Variants in TBC1D32 observed in about 807,000 individuals in gnomAD.
The protein encoded by TBC1D32 is protein broad-minded.
In TBC1D32, 151 loss-of-function variants were observed where a neutral mutation model predicts 170.3. That is an observed-to-expected ratio of 0.89 (90% CI 0.78 to 1.01). The LOEUF (loss-of-function observed/expected upper bound fraction) is 1.01. Ranked by LOEUF, TBC1D32 falls within the 50% of genes least tolerant of loss-of-function variation. The pLI, the probability that TBC1D32 is intolerant of heterozygous loss-of-function variation, is 0.00. For missense variants in TBC1D32, 1,464 were observed against 1,457.1 expected (o/e 1.00, Z -0.08); for synonymous variants, 498 against 488.0 (o/e 1.02, Z -0.27).
intron 22 of TBC1D32, among the ~76,000 whole-genome samples, chr6:121,188,041 A>G (rs1267028334): frequency 6.6e-6 from 1 of 152,100 alleles, no homozygotes; most frequent in Non-Finnish European, 1.5e-5. Context: ...TCAAATACCA[A>G]CTATACCAAC....
chr6:121,216,266 T>C (rs1430872599), intron 21 of TBC1D32, among the ~76,000 whole-genome samples: 2 of 152,236 alleles, frequency 1.3e-5, no homozygotes, highest in African/African-American at 4.8e-5. Context: ...TTCCCTCAGA[T>C]ATCAGACTCC....
intron 15 of TBC1D32, among the ~76,000 whole-genome samples, chr6:121,274,876 A>G (rs1428897357): frequency 6.6e-6 from 1 of 152,198 alleles, no homozygotes; most frequent in Non-Finnish European, 1.5e-5. Context: ...GTATTTTAAC[A>G]TGCTGAGAGA....
intron 3 of TBC1D32, among the ~76,000 whole-genome samples, chr6:121,312,292 ATGGCACATATATAC>A (rs1278160509): frequency 2.6e-5 from 4 of 152,198 alleles, no homozygotes; most frequent in African/African-American, 9.7e-5. Context: ...ACAAATCACA[ATGGCACATATATAC>A]CTATGTAACT....
intron 21 of TBC1D32, among the ~76,000 whole-genome samples, chr6:121,206,256 C>T (rs544219402): frequency 6.6e-6 from 1 of 151,858 alleles, no homozygotes; most frequent in East Asian, 1.9e-4. Context: ...TCTACAATGC[C>T]CTGCTTTTAC....
At chr6:121,270,508 T>C (rs1462655480) in intron 15 of TBC1D32, among the ~76,000 whole-genome samples, 1 of 152,124 alleles carries the variant, frequency 6.6e-6, no homozygotes, top group Admixed American at 6.5e-5. Flanking sequence ...CTAGAAAATC[T>C]AGAAGAAATG....
chr6:121,323,677 C>T lies in TBC1D32; in HGVS notation c.156-1883G>A, dbSNP rs560791355. Among the ~76,000 whole-genome samples, 5 of 152,324 alleles carry T rather than the reference C, an allele frequency of 3.3e-5. No individual in the cohort carries two copies. In the South Asian group the frequency reaches 1.0e-3, roughly 32 times the overall value. On this transcript the variant is annotated intron_variant, in intron 1 of 31. Transcript: ENST00000398212. Reference sequence around the variant, plus strand: ...GATAAACTGGCCGGGTGCAGTGACTCACGCCTGTGATCCCAGCACTTTGGG... The same window carrying T: ...GATAAACTGGCCGGGTGCAGTGACTTACGCCTGTGATCCCAGCACTTTGGG...
chr6:121,220,503 G>A (rs995942688), intron 21 of TBC1D32, among the ~76,000 whole-genome samples: 5 of 152,128 alleles, frequency 3.3e-5, no homozygotes, highest in Non-Finnish European at 4.4e-5. Context: ...TGGTTCATGG[G>A]ATTCAAGGAA....
chr6:121,106,023 CT>C lies in TBC1D32; in HGVS notation c.3464del (p.Gln1155ArgfsTer7), dbSNP rs1297540563. 50 of 1,603,178 alleles carry C rather than the reference CT, an allele frequency of 3.1e-5. No homozygotes were observed. The highest frequency in any genetic ancestry group is 4.2e-5 in the Non-Finnish European group (49 of 1,172,952). On this transcript the variant is annotated frameshift_variant and splice_region_variant, in exon 30 of 32. Transcript: ENST00000398212. LOFTEE classifies it high-confidence loss of function. ...GAAATGCTACTCCCTTATGGATTAC[CT>C]GTGATGGTGCAAAACCAGACATGTG... is the stretch of plus-strand genomic sequence containing the variant. ...AFHMSGFAPSQICLQWITQCF... is the reference protein window; with the variant it reads ...AFHMSGFAPSXICLQWITQCF...
At chr6:121,228,075 A>G (rs1243358260) in intron 20 of TBC1D32, among the ~76,000 whole-genome samples, 1 of 152,124 alleles carries the variant, frequency 6.6e-6, no homozygotes, top group Non-Finnish European at 1.5e-5. Flanking sequence ...AAAACAAATC[A>G]TAATATTCAC....
At chr6:121,218,757 G>A (rs748482594) in intron 21 of TBC1D32, among the ~76,000 whole-genome samples, 1 of 152,074 alleles carries the variant, frequency 6.6e-6, no homozygotes, top group Non-Finnish European at 1.5e-5. Flanking sequence ...GAAGAGACAT[G>A]GTGGTAATTG....
At chr6:121,209,806 G>T (rs1047921857) in intron 21 of TBC1D32, among the ~76,000 whole-genome samples, 2 of 152,178 alleles carry the variant, frequency 1.3e-5, no homozygotes, top group African/African-American at 2.4e-5. Flanking sequence ...GGAGGGCATA[G>T]GAGGACAGAA....
intron 22 of TBC1D32, among the ~76,000 whole-genome samples, chr6:121,190,669 C>CA (rs1392782792): frequency 5.3e-5 from 8 of 152,002 alleles, no homozygotes; most frequent in Non-Finnish European, 1.0e-4. Flanking sequence ...ACTTAAAACC[C>CA]AAACCAAATC....
chr6:121,085,210 C>T (rs543043867), intron 31 of TBC1D32, among the ~76,000 whole-genome samples: 143 of 147,358 alleles, frequency 9.7e-4, no homozygotes, highest in Non-Finnish European at 1.8e-3. Context: ...TATATATACA[C>T]ATATATATAC....
intron 29 of TBC1D32, 68 bp from the exon 30 acceptor site, chr6:121,106,231 T>C (rs1420556801): frequency 3.1e-6 from 3 of 963,282 alleles, no homozygotes; most frequent in Non-Finnish European, 4.0e-6. Context: ...TCATTTAAAA[T>C]AATCCAACAT....
intron 12 of TBC1D32, among the ~76,000 whole-genome samples, chr6:121,290,624 A>G (rs542677142): frequency 5.9e-5 from 9 of 152,320 alleles, no homozygotes; most frequent in Non-Finnish European, 1.3e-4. Context: ...TAGAAATACC[A>G]TTTGACCCAG....
At chr6:121,112,422 C>A (rs1463943062) in intron 29 of TBC1D32, 83 bp downstream of exon 29, 2 of 1,267,438 alleles carry the variant, frequency 1.6e-6, no homozygotes, top group Non-Finnish European at 2.1e-6. Flanking sequence ...AAGTCCTTCA[C>A]AAATAAAATT....
At chr6:121,146,639 G>A (rs761870727) in intron 24 of TBC1D32, among the ~76,000 whole-genome samples, 17 of 152,106 alleles carry the variant, frequency 1.1e-4, no homozygotes, top group East Asian at 3.9e-4. Flanking sequence ...GTACATTCAC[G>A]CCTAAGTCAG....
intron 20 of TBC1D32, among the ~76,000 whole-genome samples, chr6:121,228,278 A>C (rs138949727): frequency 2.3e-4 from 35 of 152,006 alleles, no homozygotes; most frequent in African/African-American, 8.4e-4. Context: ...TTTCTGCTCT[A>C]ATGTTTATTA....
At chr6:121,120,021 T>TA (rs1264537127) in intron 26 of TBC1D32, among the ~76,000 whole-genome samples, 2 of 151,990 alleles carry the variant, frequency 1.3e-5, no homozygotes, top group East Asian at 1.9e-4. Context: ...AATTCTATAA[T>TA]AAAAAAATCA....
Sources: allele counts gnomAD v4.1 joint callset (sites outside exome capture counted in the v4.1 genomes callset), GRCh38; gene constraint gnomAD v4.1.1; transcripts MANE v1.5; gene names NCBI Gene and HGNC (gene_info 2026-07-23, HGNC 2026-07-21).